The following PRDM16 variants were observed in gnomAD, a reference collection of about 807,000 sequenced individuals.
The protein encoded by PRDM16 is histone-lysine N-methyltransferase PRDM16.
In PRDM16, 23 loss-of-function variants were observed where a neutral mutation model predicts 110.6. The ratio of observed to expected loss-of-function variants is 0.21; its 90% CI spans 0.15 to 0.29. The LOEUF is 0.29. PRDM16 is among the 10% of genes least tolerant of loss of function. The probability of loss-of-function intolerance (pLI) is 1.00; values close to 1 mark genes in which losing one functional copy is unlikely to be tolerated. For synonymous variants in PRDM16, 799 were observed against 781.8 expected (o/e 1.02, Z -0.37); for missense variants, 1,615 against 1,794.3 (o/e 0.90, Z 1.81).
chr1:3,274,967 G>A (rs189699890), intron 3 of PRDM16, among the ~76,000 whole-genome samples: 2 of 152,280 alleles, frequency 1.3e-5, no homozygotes, highest in East Asian at 3.9e-4. Context: ...GAACTTGCTC[G>A]AGATTTGAGA....
intron 3 of PRDM16, among the ~76,000 whole-genome samples, chr1:3,355,465 C>T (rs192566070): frequency 1.0e-3 from 153 of 152,316 alleles, no homozygotes; most frequent in Non-Finnish European, 1.7e-3. Flanking sequence ...ACAGTCCCTA[C>T]TGGTTGGTGC....
intron 1 of PRDM16, among the ~76,000 whole-genome samples, chr1:3,181,554 A>ACACG (rs1557509616): frequency 6.1e-4 from 30 of 49,036 alleles, no homozygotes; most frequent in African/African-American, 2.1e-3. Context: ...TTACACACGC[A>ACACG]GTCTTACACA....
chr1:3,167,682 C>T (rs1643976962), intron 1 of PRDM16, among the ~76,000 whole-genome samples: 1 of 45,584 alleles, frequency 2.2e-5, no homozygotes, highest in Non-Finnish European at 4.1e-5. Flanking sequence ...GTGACATTGC[C>T]CCCCTGCTCC....
In PRDM16 at chr1:3,425,484, G is replaced by A. The variant is rs900831136; in HGVS notation, c.2940-97G>A. ...CGGGGCAAAGCTGTGCACGGGGCACGGGGCAGGGGCGCGGGCTCCCTTCCC... is the reference window on the plus strand; with the variant it reads ...CGGGGCAAAGCTGTGCACGGGGCACAGGGCAGGGGCGCGGGCTCCCTTCCC... On this transcript the variant is annotated intron_variant, in intron 12 of 16. Coordinates refer to ENST00000270722, the MANE Select transcript of PRDM16 (RefSeq NM_022114.4). The surrounding 1 kb of genome is among the most constrained non-coding windows in gnomAD (Gnocchi z 6.9). The A allele has an allele frequency of 4.0e-5, 54 of 1,353,840 alleles. No individual in the cohort carries two copies. The East Asian group carries it at 7.9e-4, about 20-fold the overall frequency. The allele number at this position is 1,353,840 out of a possible 1,614,324, so 83.9% of individuals were successfully genotyped here. A position where few individuals can be genotyped will look rare whatever the true frequency, so the allele number is the denominator to read the frequency against.
At chr1:3,313,064 A>T (rs867663212) in intron 3 of PRDM16, among the ~76,000 whole-genome samples, 1 of 152,204 alleles carries the variant, frequency 6.6e-6, no homozygotes. Context: ...AGGCACAGGC[A>T]CCGTGTCCCA....
chr1:3,412,636 C>T lies in PRDM16; in HGVS notation c.2439C>T (p.Ala813=), dbSNP rs1391223874. 6.4e-7 allele frequency: 1 copy of T among 1,574,116 alleles called. No homozygotes were observed. Among genetic ancestry groups the T allele is most frequent in the Non-Finnish European group, 8.6e-7 (1 of 1,159,916 alleles). ...LDLSIGSRAR[A]SQNGGGREPR... is the part of the protein sequence containing the mutation. ...TGAGCATCGGCAGCCGGGCCCGTGC[C>T]AGCCAAAACGGCGGCGGGCGGGAGC... is the stretch of plus-strand genomic sequence containing the variant. Residue 813 remains alanine (A), a synonymous_variant, in exon 9 of 17, where the codon GCC becomes GCT. Transcript: ENST00000270722.
At chr1:3,424,532 C>T (rs1375697050) in intron 12 of PRDM16, among the ~76,000 whole-genome samples, 1 of 152,260 alleles carries the variant, frequency 6.6e-6, no homozygotes, top group Admixed American at 6.5e-5. Flanking sequence ...ATCCCAACTT[C>T]CCCACGTGCA....
At chr1:3,123,445 C>T (rs1643138650) in intron 1 of PRDM16, among the ~76,000 whole-genome samples, 1 of 152,226 alleles carries the variant, frequency 6.6e-6, no homozygotes, top group South Asian at 2.1e-4. Context: ...AGGGTGTCTG[C>T]CAGCAGCTAT....
At chr1:3,396,319 CT>C (rs1232881455) in intron 4 of PRDM16, 171 bp from the exon 5 acceptor site, 1 of 687,384 alleles carries the variant, frequency 1.5e-6, no homozygotes, top group Admixed American at 2.0e-5. Flanking sequence ...GACGCAATTC[CT>C]TCTGCGCATA....
rs768521230 is a variant in PRDM16, at chr1:3,432,029, G to T, written c.3585G>T (p.Gly1195=). The T allele has an allele frequency of 1.9e-6, 3 of 1,614,154 alleles. No individual in the cohort carries two copies. In the South Asian group the frequency reaches 3.3e-5, roughly 18 times the overall value. The part of the protein sequence containing the change: ...ALEPMPTFGK[G]LDLRRAAEEA... ...AGCCGATGCCGACTTTTGGGAAGGG[G>T]CTGGACCTCCGCAGAGCAGCTGAGG... Residue 1195 remains glycine, a synonymous_variant, in exon 16 of 17, where the codon GGG becomes GGT. Coordinates refer to ENST00000270722, the MANE Select transcript of PRDM16 (RefSeq NM_022114.4).
chr1:3,427,906 A>G lies in PRDM16; in HGVS notation c.3284+1681A>G, dbSNP rs188570485. Among the ~76,000 whole-genome samples, 711 of 152,276 alleles carry G rather than the reference A, an allele frequency of 4.7e-3. 11 individuals are homozygous for G. Among genetic ancestry groups the G allele is most frequent in the Non-Finnish European group, 1.2e-3 (82 of 68,020 alleles). On this transcript the variant is annotated intron_variant, in intron 14 of 16. Coordinates refer to ENST00000270722, the MANE Select transcript of PRDM16 (RefSeq NM_022114.4). Reference sequence around the variant, plus strand: ...AACTCTGCCCTGGCCACGCTGAGACAGCCGCATGGGAGCTGTTCGTGTTCC... The same window carrying G: ...AACTCTGCCCTGGCCACGCTGAGACGGCCGCATGGGAGCTGTTCGTGTTCC...
At chr1:3,085,066 C>T (rs945271694) in intron 1 of PRDM16, among the ~76,000 whole-genome samples, 12 of 152,348 alleles carry the variant, frequency 7.9e-5, no homozygotes, top group African/African-American at 2.6e-4. Context: ...CCGCACCTCT[C>T]TGTGTCAATG....
At chr1:3,432,602 T>G (rs1294392105) in intron 16 of PRDM16, among the ~76,000 whole-genome samples, 1 of 152,178 alleles carries the variant, frequency 6.6e-6, no homozygotes, top group Non-Finnish European at 1.5e-5. Context: ...CCCCAGGCGC[T>G]TCTCGGCTTC....
rs766687660 is a variant in PRDM16, at chr1:3,426,128, G to A, written c.3187G>A (p.Ala1063Thr). 8.1e-6 allele frequency: 13 copies of A among 1,613,812 alleles called. No homozygotes were observed. Among genetic ancestry groups the A allele is most frequent in the South Asian group, 3.3e-5 (3 of 91,074 alleles). Reference sequence around the variant, plus strand: ...TCCCACCTCAGAGTCGGACAACCACGCACTTTTAGACGAGAAAGAAGACTC... The same window carrying A: ...TCCCACCTCAGAGTCGGACAACCACACACTTTTAGACGAGAAAGAAGACTC... ...SSPTSESDNH[A>T]LLDEKEDSYF... Residue 1063 changes from alanine (A) to threonine (T), a missense_variant, in exon 14 of 17, where the codon GCA becomes ACA. Coordinates refer to ENST00000270722, the MANE Select transcript of PRDM16 (RefSeq NM_022114.4).
intron 2 of PRDM16, among the ~76,000 whole-genome samples, chr1:3,241,756 G>A (rs1202551915): frequency 6.6e-6 from 1 of 152,226 alleles, no homozygotes; most frequent in Non-Finnish European, 1.5e-5. Context: ...GAGACAGGAA[G>A]ATCAGGCGAC....
chr1:3,377,005 C>T (rs1263193888), intron 3 of PRDM16, among the ~76,000 whole-genome samples: 2 of 152,260 alleles, frequency 1.3e-5, no homozygotes, highest in African/African-American at 4.8e-5. Context: ...CCCCCACCTC[C>T]TTCCATCACA....
intron 3 of PRDM16, among the ~76,000 whole-genome samples, chr1:3,273,413 G>GGTGCACATATGAGGGTGC (rs1553156035): frequency 1.3e-5 from 2 of 151,948 alleles, no homozygotes; most frequent in Non-Finnish European, 2.9e-5. Flanking sequence ...GTGTGGAGGA[G>GGTGCACATATGAGGGTGC]GTGCACATAT....
Position 3,412,447 on chromosome 1 carries a change from G to C in PRDM16, c.2250G>C (p.Leu750=), listed in dbSNP as rs531230563. 12 of 1,612,924 alleles carry C rather than the reference G, an allele frequency of 7.4e-6. No homozygotes were observed. The African/African-American group carries it at 1.3e-4, about 18-fold the overall frequency. Reference sequence around the variant, plus strand: ...ACCGAGCCCTCGCCCACAACTTGCTGGTCAAGGCCGAGCCAAAGTCACCCC... The same window carrying C: ...ACCGAGCCCTCGCCCACAACTTGCTCGTCAAGGCCGAGCCAAAGTCACCCC... ...FTDRALAHNL[L]VKAEPKSPRD... The change falls in exon 9 of 17, where the codon CTG becomes CTC. Residue 750 remains leucine, a synonymous_variant. Coordinates refer to ENST00000270722, the MANE Select transcript of PRDM16 (RefSeq NM_022114.4).
At position 3,245,589 on chromosome 1, in the gene PRDM16, A is replaced by T. The variant is rs1047852284; in HGVS notation, c.438+1452A>T. ...CCTGGGGTCCTTTTGTCCAAGGACA[A>T]GGTGTCGGCTCTCAGTCCCCGCCGT... On this transcript the variant is annotated intron_variant, in intron 3 of 16. Coordinates refer to ENST00000270722, the MANE Select transcript of PRDM16 (RefSeq NM_022114.4). This position sits in a 1 kb window ranked among gnomAD's most constrained non-coding sequence, Gnocchi z 4.7. 1.3e-5 allele frequency among the ~76,000 whole-genome samples: 2 copies of T among 152,164 alleles called. No homozygotes were observed. Among genetic ancestry groups the T allele is most frequent in the Admixed American group, 1.3e-4 (2 of 15,286 alleles).
Sources: gnomAD v4.1 joint callset for allele counts (sites outside exome capture counted in the v4.1 genomes callset) on GRCh38, gnomAD v4.1.1 for gene constraint, Gnocchi (gnomAD v3.1) non-coding constraint, MANE v1.5 for transcripts, NCBI Gene and HGNC (gene_info 2026-07-23, HGNC 2026-07-21) for gene names.